The following COMMD1 variants were observed in gnomAD, a reference collection of about 807,000 sequenced individuals.
The protein encoded by COMMD1 is COMM domain-containing protein 1.
COMMD1 carries 10 observed loss-of-function variants against 17.2 expected under a neutral mutation model. That is an observed-to-expected ratio of 0.58 (90% CI 0.36 to 0.99). The LOEUF (loss-of-function observed/expected upper bound fraction) is 0.99, where lower values mean the gene tolerates loss of function less well. COMMD1 is among the 50% of genes least tolerant of loss of function. The pLI, the probability that COMMD1 is intolerant of heterozygous loss-of-function variation, is 0.01. For synonymous variants in COMMD1, 97 were observed against 91.6 expected (o/e 1.06, Z -0.34); for missense variants, 270 against 231.8 (o/e 1.17, Z -1.07).
chr2:61,961,422 G>C (rs969171006), intron 1 of COMMD1, among the ~76,000 whole-genome samples: 1 of 152,150 alleles, frequency 6.6e-6, no homozygotes, highest in South Asian at 2.1e-4. Flanking sequence ...CTCCAAATAC[G>C]GAATGGCATG....
intron 2 of COMMD1, among the ~76,000 whole-genome samples, chr2:62,051,046 G>A (rs1047958222): frequency 6.6e-6 from 1 of 152,096 alleles, no homozygotes; most frequent in Admixed American, 6.6e-5. Context: ...ACTTGTATTA[G>A]TTCAGAAATG....
intron 1 of COMMD1, among the ~76,000 whole-genome samples, chr2:61,989,310 A>T (rs1325482565): frequency 6.6e-6 from 1 of 152,112 alleles, no homozygotes; most frequent in Non-Finnish European, 1.5e-5. Context: ...CTTAGGGTTC[A>T]CGCTTGATAT....
At chr2:61,983,901 A>C (rs748234183) in intron 1 of COMMD1, among the ~76,000 whole-genome samples, 1 of 151,920 alleles carries the variant, frequency 6.6e-6, no homozygotes, top group African/African-American at 2.4e-5. Context: ...TTGTTTTTCT[A>C]ATTCTTTAAG....
intron 1 of COMMD1, among the ~76,000 whole-genome samples, chr2:61,972,096 G>A (rs570024817): frequency 5.9e-5 from 9 of 152,096 alleles, no homozygotes; most frequent in African/African-American, 2.2e-4. Flanking sequence ...CGCCAGCCTG[G>A]GTGACAGAAC....
intron 2 of COMMD1, among the ~76,000 whole-genome samples, chr2:62,045,701 C>T (rs1458690017): frequency 6.8e-6 from 1 of 148,010 alleles, no homozygotes; most frequent in Non-Finnish European, 1.5e-5. Flanking sequence ...CAAATCTGGC[C>T]TCCTATTATC....
chr2:61,986,154 GT>G (rs78425197), intron 1 of COMMD1, among the ~76,000 whole-genome samples: 2,841 of 144,970 alleles, frequency 0.02, 52 homozygotes, highest in African/African-American at 0.044. Flanking sequence ...CTGGTATAAA[GT>G]TTTTTTTTTT....
rs532937132 is a variant in COMMD1, at chr2:62,130,132, G to A, written c.463-5699G>A. Among the ~76,000 whole-genome samples, 104 of 147,990 alleles carry A rather than the reference G, an allele frequency of 7.0e-4. 2 individuals are homozygous for A. Among genetic ancestry groups the A allele is most frequent in the African/African-American group, 2.5e-3 (101 of 39,832 alleles). Reference sequence around the variant, plus strand: ...GGAGCTTGCAATGAGCCGAGATCGCGCCAGTGAGCGAGACTCTGTCTCAAA... The same window carrying A: ...GGAGCTTGCAATGAGCCGAGATCGCACCAGTGAGCGAGACTCTGTCTCAAA... On this transcript the variant is annotated intron_variant, in intron 2 of 2. Transcript: ENST00000311832.
In COMMD1 at chr2:62,018,331, A is replaced by G. The variant is rs137948818; in HGVS notation, c.462+17349A>G. Reference sequence around the variant, plus strand: ...TAGGCATGCTGGACAAACAAAACCAATATGATACAAAGGTACTTTTGTCAA... The same window carrying G: ...TAGGCATGCTGGACAAACAAAACCAGTATGATACAAAGGTACTTTTGTCAA... On this transcript the variant is annotated intron_variant, in intron 2 of 2. Transcript: ENST00000311832. Among the ~76,000 whole-genome samples, 44 of 152,320 alleles carry G rather than the reference A, an allele frequency of 2.9e-4. 2 individuals carry two copies. The East Asian group carries it at 7.7e-3, about 27-fold the overall frequency.
chr2:61,924,354 T>G (rs1297757718), intron 1 of COMMD1, among the ~76,000 whole-genome samples: 1 of 108,800 alleles, frequency 9.2e-6, no homozygotes, highest in African/African-American at 3.6e-5. Context: ...TAAGGGGTGG[T>G]GGTAGGGAGG....
At chr2:61,969,143 T>G (rs56190007) in intron 1 of COMMD1, 93,663 of 247,424 alleles carry the variant, frequency 0.38, 20,276 homozygotes, top group East Asian at 0.7. Context: ...AGGTTTTTTT[T>G]GTTTGTTTGT....
At position 61,912,497 on chromosome 2, in the gene COMMD1, G is replaced by A. The variant is rs189725725; in HGVS notation, c.180+6639G>A. Among the ~76,000 whole-genome samples, 259 of 152,038 alleles carry A rather than the reference G, an allele frequency of 1.7e-3. 1 individual carries two copies. Among genetic ancestry groups the A allele is most frequent in the African/African-American group, 5.9e-3 (244 of 41,458 alleles). ...CATGCCTGTAATCCCAGCACTTTGGGAGGCCAAGGCGGGCAGATCACGAGA... is the reference window on the plus strand; with the variant it reads ...CATGCCTGTAATCCCAGCACTTTGGAAGGCCAAGGCGGGCAGATCACGAGA... On this transcript the variant is annotated intron_variant, in intron 1 of 2. Coordinates refer to ENST00000311832, the MANE Select transcript of COMMD1 (RefSeq NM_152516.4).
chr2:61,901,491 T>C (rs1242198696), upstream of COMMD1, among the ~76,000 whole-genome samples: 2 of 151,800 alleles, frequency 1.3e-5, no homozygotes, highest in Non-Finnish European at 2.9e-5. Flanking sequence ...AGCGTGGTGG[T>C]GTGCATATGT....
At chr2:62,061,101 T>C (rs2103939371) in intron 2 of COMMD1, among the ~76,000 whole-genome samples, 1 of 152,344 alleles carries the variant, frequency 6.6e-6, no homozygotes, top group South Asian at 2.1e-4. Flanking sequence ...CCTATCTGTG[T>C]GTTAATTTTC....
chr2:62,000,525 C>G lies in COMMD1; in HGVS notation c.181-176C>G, dbSNP rs1016977726. Among the ~76,000 whole-genome samples, 6 of 152,016 alleles carry G rather than the reference C, an allele frequency of 3.9e-5. No individual in the cohort carries two copies. In the South Asian group the frequency reaches 1.2e-3, roughly 32 times the overall value. The stretch of plus-strand genomic sequence containing the variant: ...GGCCAGTTTGGTCTCTAACTCCTAA[C>G]CTCAAGTGATCTCACCTCTGCCTCC... On this transcript the variant is annotated intron_variant, in intron 1 of 2. Coordinates refer to ENST00000311832, the MANE Select transcript of COMMD1 (RefSeq NM_152516.4).
chr2:62,055,342 A>T (rs1391984134), intron 2 of COMMD1: 3 of 436,238 alleles, frequency 6.9e-6, no homozygotes, highest in Non-Finnish European at 1.4e-5. Context: ...GAAAAGGGGG[A>T]AAGACCCAAT....
At position 62,124,538 on chromosome 2, in the gene COMMD1, TTTTG is replaced by T. The variant is rs142356588; in HGVS notation, c.463-11269_463-11266del. ...GATGTTATTTTATTTTAAAAATGCC[TTTTG>T]TTTGTTTGTTTGTTTGTTTGTTTTT... is the stretch of plus-strand genomic sequence containing the variant. On this transcript the variant is annotated intron_variant, in intron 2 of 2. Transcript: ENST00000311832. Among the ~76,000 whole-genome samples the T allele has an allele frequency of 2.7e-3, 410 of 152,008 alleles. 2 individuals carry two copies. Among genetic ancestry groups the T allele is most frequent in the African/African-American group, 9.1e-3 (377 of 41,408 alleles).
At chr2:62,021,807 T>C (rs1321934012) in intron 2 of COMMD1, among the ~76,000 whole-genome samples, 2 of 152,222 alleles carry the variant, frequency 1.3e-5, no homozygotes, top group African/African-American at 4.8e-5. Flanking sequence ...CTTAAAGTCA[T>C]ACATGCTTTC....
chr2:62,101,615 C>G (rs1005600654), intron 2 of COMMD1, among the ~76,000 whole-genome samples: 1 of 151,880 alleles, frequency 6.6e-6, no homozygotes, highest in African/African-American at 2.4e-5. Context: ...GTCTCTCTCT[C>G]TCTCTATATA....
chr2:62,092,006 G>A, intron 2 of COMMD1, among the ~76,000 whole-genome samples: 1 of 152,174 alleles, frequency 6.6e-6, no homozygotes, highest in Non-Finnish European at 1.5e-5. Flanking sequence ...ATTACATCCT[G>A]ATCTGTATCA....
Sources: allele counts gnomAD v4.1 joint callset (sites outside exome capture counted in the v4.1 genomes callset), GRCh38; gene constraint gnomAD v4.1.1; transcripts MANE v1.5; gene names NCBI Gene and HGNC (gene_info 2026-07-23, HGNC 2026-07-21).